NCOA3: variants seen among roughly 807,000 people sequenced by gnomAD.
The protein encoded by NCOA3 is nuclear receptor coactivator 3.
NCOA3 carries 51 observed loss-of-function variants against 158.8 expected under a neutral mutation model. The observed-to-expected ratio is 0.32, with a 90% CI of 0.26 to 0.41. The LOEUF is 0.41. Among genes scored for constraint, NCOA3 ranks in the 10% least tolerant of loss-of-function variants. The probability of loss-of-function intolerance (pLI) is 1.00; values close to 1 mark genes in which losing one functional copy is unlikely to be tolerated. For synonymous variants in NCOA3, 537 were observed against 592.4 expected, an observed-to-expected ratio of 0.91 and a Z score of 1.36; for missense variants, 1,510 against 1,746.6, an observed-to-expected ratio of 0.86 and a Z score of 2.41.
intron 17 of NCOA3, among the ~76,000 whole-genome samples, chr20:47,644,057 C>A (rs2086650618): frequency 6.7e-6 from 1 of 149,308 alleles, no homozygotes; most frequent in Non-Finnish European, 1.5e-5. Flanking sequence ...TGTATAATTT[C>A]TTTATTAACC....
intron 14 of NCOA3, 29 bp downstream of exon 14, chr20:47,639,231 T>G: frequency 6.5e-7 from 1 of 1,549,616 alleles, no homozygotes; most frequent in Non-Finnish European, 8.8e-7. Context: ...GTATGTATGA[T>G]TATTTTGGGA....
At position 47,639,104 on chromosome 20, in the gene NCOA3, TA is replaced by T; in HGVS notation, c.2615del (p.Asn872IlefsTer20). 6.2e-7 allele frequency: 1 copy of T among 1,614,166 alleles called. No homozygotes were observed. The highest frequency in any genetic ancestry group is 8.5e-7 in the Non-Finnish European group (1 of 1,180,010). On this transcript the variant is annotated frameshift_variant, in exon 14 of 23. Transcript: ENST00000371998. LOFTEE classifies it high-confidence loss of function. Reference protein sequence around the residue: ...SPVSVGSSPPVKNISAFPMLP... With the variant: ...SPVSVGSSPPXKNISAFPMLP... ...GTTTCTGTTGGCTCAAGTCCTCCAGTAAAAAATATCAGTGCTTTCCCCATGT... is the reference window on the plus strand; with the variant it reads ...GTTTCTGTTGGCTCAAGTCCTCCAGTAAAAATATCAGTGCTTTCCCCATGT...
intron 1 of NCOA3, among the ~76,000 whole-genome samples, chr20:47,506,982 A>G (rs2084040325): frequency 1.3e-5 from 2 of 152,186 alleles, no homozygotes; most frequent in Admixed American, 1.3e-4. Context: ...TAATGATGAA[A>G]AGGGAATCTT....
At chr20:47,514,739 C>CA (rs1396459675) in intron 1 of NCOA3, among the ~76,000 whole-genome samples, 1 of 108,988 alleles carries the variant, frequency 9.2e-6, no homozygotes, top group Non-Finnish European at 1.7e-5. Flanking sequence ...TTTTTTGAGA[C>CA]AGAGTCTTGC....
At chr20:47,596,368 T>C (rs935632202) in intron 2 of NCOA3, among the ~76,000 whole-genome samples, 1 of 152,220 alleles carries the variant, frequency 6.6e-6, no homozygotes, top group Non-Finnish European at 1.5e-5. Context: ...TGTATTGTAT[T>C]CTTTTGCATG....
At chr20:47,586,215 G>A (rs149814002) in intron 2 of NCOA3, among the ~76,000 whole-genome samples, 9 of 152,068 alleles carry the variant, frequency 5.9e-5, no homozygotes, top group African/African-American at 9.6e-5. Flanking sequence ...CACTGTGCTC[G>A]GCCAATTTTT....
At chr20:47,532,452 T>C (rs1225286091) in intron 1 of NCOA3, among the ~76,000 whole-genome samples, 3 of 151,928 alleles carry the variant, frequency 2.0e-5, no homozygotes, top group Non-Finnish European at 4.4e-5. Context: ...ACTTCAACTT[T>C]AAAAAAAATT....
At chr20:47,523,375 C>T (rs976989257) in intron 1 of NCOA3, among the ~76,000 whole-genome samples, 4 of 152,064 alleles carry the variant, frequency 2.6e-5, no homozygotes, top group Admixed American at 6.6e-5. Context: ...CAAGGGTCTT[C>T]GGAGGAATGG....
chr20:47,516,547 A>G (rs2084236870), intron 1 of NCOA3, among the ~76,000 whole-genome samples: 1 of 152,168 alleles, frequency 6.6e-6, no homozygotes, highest in Admixed American at 6.6e-5. Context: ...ATGAAAATTA[A>G]TAGTCAGATT....
At chr20:47,506,891 G>A (rs956778305) in intron 1 of NCOA3, among the ~76,000 whole-genome samples, 4 of 152,094 alleles carry the variant, frequency 2.6e-5, no homozygotes, top group African/African-American at 9.7e-5. Flanking sequence ...TTGGTTAGAG[G>A]CTATGAATGA....
chr20:47,509,259 T>G (rs2084077256), intron 1 of NCOA3, among the ~76,000 whole-genome samples: 2 of 151,652 alleles, frequency 1.3e-5, no homozygotes, highest in Non-Finnish European at 1.5e-5. Context: ...CCGGGCATGG[T>G]GATGTGCGCC....
In NCOA3 at chr20:47,637,682, T is replaced by C; in HGVS notation, c.2411T>C (p.Leu804Pro). ...GACTTGGATAATCTAGATGCTATTCTTGGTGATCTGACTAGTTCTGACTTT... is the reference window on the plus strand; with the variant it reads ...GACTTGGATAATCTAGATGCTATTCCTGGTGATCTGACTAGTTCTGACTTT... ...SGDLDNLDAI[L>P]GDLTSSDFYN... Residue 804 changes from leucine (L) to proline (P), a missense_variant, in exon 13 of 23, where the codon CTT (leucine) becomes CCT (proline). Physicochemically the swap from Leu to Pro is moderately conservative, Grantham distance 98. Transcript: ENST00000371998. 1 of 1,610,470 alleles carries C rather than the reference T, an allele frequency of 6.2e-7. No individual in the cohort carries two copies. Among genetic ancestry groups the C allele is most frequent in the Non-Finnish European group, 8.5e-7 (1 of 1,178,590 alleles).
intron 1 of NCOA3, among the ~76,000 whole-genome samples, chr20:47,563,554 G>A (rs892229721): frequency 6.6e-6 from 1 of 152,130 alleles, no homozygotes. Flanking sequence ...AGTGCAGGCT[G>A]GGCATGATGG....
intron 2 of NCOA3, among the ~76,000 whole-genome samples, chr20:47,600,255 A>G (rs1177552068): frequency 2.0e-5 from 3 of 150,850 alleles, no homozygotes; most frequent in Non-Finnish European, 4.4e-5. Flanking sequence ...GCTCACTGCA[A>G]GCTCCACCTC....
chr20:47,595,013 A>G (rs1274639435), intron 2 of NCOA3, among the ~76,000 whole-genome samples: 1 of 149,900 alleles, frequency 6.7e-6, no homozygotes, highest in Admixed American at 6.7e-5. Flanking sequence ...GCTGGTCTCG[A>G]TCCCCTGACC....
At chr20:47,511,410 ATTTTTTTTT>A (rs35591258) in intron 1 of NCOA3, among the ~76,000 whole-genome samples, 1 of 86,396 alleles carries the variant, frequency 1.2e-5, no homozygotes, top group African/African-American at 4.7e-5. Context: ...ACCATGCCTA[ATTTTTTTTT>A]TTTTTTTTTT....
intron 1 of NCOA3, among the ~76,000 whole-genome samples, chr20:47,555,055 A>G (rs532686657): frequency 3.5e-4 from 54 of 152,330 alleles, no homozygotes; most frequent in Middle Eastern, 3.4e-3. Flanking sequence ...ATAATGCTGC[A>G]TATCTACAAG....
In NCOA3 at chr20:47,537,882, G is replaced by C. The variant is rs6012205; in HGVS notation, c.-99+35863G>C. ...CAGGCATGAGCCACTGTGCCTGGCT[G>C]TTTGTTTGTTTGTTTGAGACAGAGC... On this transcript the variant is annotated intron_variant, in intron 1 of 22. Coordinates refer to ENST00000371998, the MANE Select transcript of NCOA3 (RefSeq NM_181659.3). Among the ~76,000 whole-genome samples the C allele has an allele frequency of 7.4e-3, 1,099 of 148,032 alleles. 22 individuals carry two copies. Among genetic ancestry groups the C allele is most frequent in the African/African-American group, 0.026 (1,041 of 40,054 alleles).
intron 1 of NCOA3, among the ~76,000 whole-genome samples, chr20:47,575,536 T>G (rs1025520326): frequency 6.6e-6 from 1 of 152,198 alleles, no homozygotes; most frequent in African/African-American, 2.4e-5. Flanking sequence ...ATATAAACTT[T>G]AAACACTGAA....
Sources: gnomAD v4.1 joint callset for allele counts (sites outside exome capture counted in the v4.1 genomes callset) on GRCh38, gnomAD v4.1.1 for gene constraint, MANE v1.5 for transcripts, NCBI Gene and HGNC (gene_info 2026-07-23, HGNC 2026-07-21) for gene names.